TCF4: variants seen among roughly 807,000 people sequenced by gnomAD.
TCF4 encodes the protein SL3-3 enhancer factor 2.
A neutral mutation model predicts 82.1 loss-of-function variants in TCF4; 3 were observed. The ratio of observed to expected loss-of-function variants is 0.04; its 90% confidence interval spans 0.02 to 0.09. The LOEUF is 0.09. Ranked by LOEUF, TCF4 falls within the 10% of genes least tolerant of loss-of-function variation. The probability of loss-of-function intolerance (pLI) is 1.00; values close to 1 mark genes in which losing one functional copy is unlikely to be tolerated. For synonymous variants in TCF4, 276 were observed against 309.6 expected (o/e 0.89, Z 1.14); for missense variants, 518 against 852.7 (o/e 0.61, Z 4.89).
Position 55,401,267 on chromosome 18 carries a change from AT to A in TCF4, c.369+2186del, listed in dbSNP as rs2093800200. The A allele has an allele frequency of 7.6e-6, 9 of 1,189,130 alleles. No homozygotes were observed. In the South Asian group the frequency reaches 1.4e-4, roughly 19 times the overall value. The allele number at this position is 1,189,130 out of a possible 1,614,324, so 73.7% of individuals were successfully genotyped here. ...TTCCCTCTGTCAGCAAATTTCCAAA[AT>A]TTCACTTTTATTTATCCCTAAGTAA... On this transcript the variant is annotated intron_variant, in intron 6 of 19. Transcript: ENST00000354452.
chr18:55,271,084 C>T (rs990439459), intron 10 of TCF4, among the ~76,000 whole-genome samples: 1 of 151,986 alleles, frequency 6.6e-6, no homozygotes, highest in Non-Finnish European at 1.5e-5. Flanking sequence ...CATTTGCTCA[C>T]GAGGAATGAA....
chr18:55,357,748 T>A (rs191996466), intron 6 of TCF4, among the ~76,000 whole-genome samples: 92 of 152,248 alleles, frequency 6.0e-4, no homozygotes, highest in Non-Finnish European at 1.2e-3. Context: ...TTATGTAGGT[T>A]GGCCTCCCTG....
At chr18:55,365,231 G>A (rs1201750577) in intron 6 of TCF4, among the ~76,000 whole-genome samples, 1 of 135,074 alleles carries the variant, frequency 7.4e-6, no homozygotes. Flanking sequence ...GTGTGTGTGT[G>A]TGTATATATA....
At chr18:55,521,581 C>T (rs2096933739) in intron 3 of TCF4, among the ~76,000 whole-genome samples, 1 of 152,206 alleles carries the variant, frequency 6.6e-6, no homozygotes, top group African/African-American at 2.4e-5. Flanking sequence ...CTTTATTTCT[C>T]CAGCTTCCCC....
intron 6 of TCF4, among the ~76,000 whole-genome samples, chr18:55,360,311 T>C (rs2084764140): frequency 6.6e-6 from 1 of 152,174 alleles, no homozygotes; most frequent in South Asian, 2.1e-4. Context: ...AAAATAGCCA[T>C]AGGAGACTAG....
chr18:55,588,509 G>C (rs753396088), upstream of TCF4: 7 of 1,534,886 alleles, frequency 4.6e-6, no homozygotes, highest in Non-Finnish European at 5.2e-6. Context: ...TCTGAAGCCT[G>C]AACAGTTCAG....
chr18:55,236,795 G>A (rs1482654269), intron 15 of TCF4, among the ~76,000 whole-genome samples: 3 of 152,008 alleles, frequency 2.0e-5, no homozygotes, highest in African/African-American at 2.4e-5. Flanking sequence ...ATAATTCTTC[G>A]TGCTGATTCA....
intron 8 of TCF4, among the ~76,000 whole-genome samples, chr18:55,298,638 T>C (rs2067214684): frequency 6.6e-6 from 1 of 152,212 alleles, no homozygotes; most frequent in South Asian, 2.1e-4. Context: ...TAAGGGTACA[T>C]ATGTGTGCAT....
chr18:55,445,762 A>T (rs2144121143), intron 5 of TCF4, among the ~76,000 whole-genome samples: 1 of 152,298 alleles, frequency 6.6e-6, no homozygotes, highest in East Asian at 1.9e-4. Context: ...TCCAGCTCCC[A>T]AGGCTCTGCT....
intron 15 of TCF4, among the ~76,000 whole-genome samples, chr18:55,240,517 T>C (rs1370480936): frequency 6.6e-6 from 1 of 152,220 alleles, no homozygotes; most frequent in Non-Finnish European, 1.5e-5. Flanking sequence ...CACCATTTAG[T>C]ACAAAAGTGC....
chr18:55,564,078 C>T (rs923711775), intron 3 of TCF4, among the ~76,000 whole-genome samples: 9 of 152,182 alleles, frequency 5.9e-5, no homozygotes, highest in African/African-American at 1.9e-4. Context: ...AAAAGAAAGT[C>T]GCCGTGAGAA....
intron 3 of TCF4, among the ~76,000 whole-genome samples, chr18:55,582,375 T>A (rs2097584202): frequency 6.6e-6 from 1 of 152,124 alleles, no homozygotes; most frequent in Admixed American, 6.5e-5. Flanking sequence ...AGCCCACCAA[T>A]TTTCCCTGTT....
At chr18:55,624,191 A>G (rs2147992636) in intron 2 of TCF4, among the ~76,000 whole-genome samples, 1 of 152,154 alleles carries the variant, frequency 6.6e-6, no homozygotes, top group African/African-American at 2.4e-5. Flanking sequence ...AATTTTATAT[A>G]AATTTTTTAG....
At chr18:55,271,517 T>C (rs2146007419) in intron 10 of TCF4, among the ~76,000 whole-genome samples, 1 of 152,290 alleles carries the variant, frequency 6.6e-6, no homozygotes, top group African/African-American at 2.4e-5. Context: ...GACGCATGAA[T>C]GTTTTTGAAA....
intron 2 of TCF4, among the ~76,000 whole-genome samples, chr18:55,616,558 T>G (rs2097712269): frequency 6.6e-6 from 1 of 152,124 alleles, no homozygotes; most frequent in Non-Finnish European, 1.5e-5. Flanking sequence ...CCATAGCAGC[T>G]GCACCATTTT....
chr18:55,444,919 C>T (rs1410001858), intron 5 of TCF4, among the ~76,000 whole-genome samples: 6 of 152,216 alleles, frequency 3.9e-5, no homozygotes, highest in Non-Finnish European at 7.3e-5. Flanking sequence ...AAGCCAAGGA[C>T]GACCCCTGCC....
intron 6 of TCF4, among the ~76,000 whole-genome samples, chr18:55,360,993 G>C (rs966122870): frequency 6.6e-6 from 1 of 152,052 alleles, no homozygotes; most frequent in African/African-American, 2.4e-5. Flanking sequence ...CCAAAGTGCT[G>C]GGATTACAGG....
At chr18:55,450,602 A>C (rs531645400) in intron 5 of TCF4, among the ~76,000 whole-genome samples, 23 of 152,320 alleles carry the variant, frequency 1.5e-4, no homozygotes, top group Middle Eastern at 3.4e-3. Context: ...AGAATAATCC[A>C]ATACAGAGGC....
At chr18:55,337,040 A>T (rs1226473788) in intron 8 of TCF4, among the ~76,000 whole-genome samples, 1 of 152,182 alleles carries the variant, frequency 6.6e-6, no homozygotes, top group African/African-American at 2.4e-5. Flanking sequence ...GAAGTTTTTT[A>T]GAAAACTATA....
Sources: allele counts gnomAD v4.1 joint callset (sites outside exome capture counted in the v4.1 genomes callset), GRCh38; gene constraint gnomAD v4.1.1; transcripts MANE v1.5; gene names NCBI Gene and HGNC (gene_info 2026-07-23, HGNC 2026-07-21).